Variants in FAF1 observed in about 807,000 individuals in gnomAD.
FAF1 encodes the protein Fas associated factor 1.
FAF1 carries 25 observed loss-of-function variants against 92.5 expected under a neutral mutation model. The observed-to-expected ratio is 0.27, with a 90% CI of 0.20 to 0.38. FAF1 has a LOEUF of 0.38. Among genes scored for constraint, FAF1 ranks in the 10% least tolerant of loss-of-function variants. The pLI, the probability that FAF1 is intolerant of heterozygous loss-of-function variation, is 1.00. For missense variants in FAF1, 636 were observed against 793.3 expected, an observed-to-expected ratio of 0.80 and a Z score of 2.38; for synonymous variants, 234 against 273.2, an observed-to-expected ratio of 0.86 and a Z score of 1.42.
intron 1 of FAF1, among the ~76,000 whole-genome samples, chr1:50,860,587 A>G (rs1217246453): frequency 6.6e-6 from 1 of 151,772 alleles, no homozygotes; most frequent in Non-Finnish European, 1.5e-5. Context: ...TTATTAAAAT[A>G]TATTTTTTAA....
At chr1:50,612,332 T>G (rs1296233205) in intron 8 of FAF1, 2 of 1,233,720 alleles carry the variant, frequency 1.6e-6, no homozygotes, top group African/African-American at 3.1e-5. Context: ...TTATTTTACC[T>G]CAAGCAGATT....
chr1:50,872,886 C>T (rs564563036), intron 1 of FAF1, among the ~76,000 whole-genome samples: 10 of 149,848 alleles, frequency 6.7e-5, no homozygotes, highest in Admixed American at 4.0e-4. Context: ...GCAACAACAG[C>T]GAAACTCCGT....
At chr1:50,929,550 G>C (rs544024164) in intron 1 of FAF1, among the ~76,000 whole-genome samples, 1 of 152,266 alleles carries the variant, frequency 6.6e-6, no homozygotes, top group African/African-American at 2.4e-5. Context: ...CATTGTAAGA[G>C]CTTACATTAT....
intron 9 of FAF1, among the ~76,000 whole-genome samples, chr1:50,587,729 G>A (rs2124041728): frequency 6.6e-6 from 1 of 152,170 alleles, no homozygotes; most frequent in Admixed American, 6.5e-5. Context: ...GGACCTATGT[G>A]GAAGATACAG....
intron 2 of FAF1, 80 bp downstream of exon 2, chr1:50,857,849 C>T (rs953027880): frequency 2.9e-5 from 24 of 825,034 alleles, no homozygotes; most frequent in Non-Finnish European, 4.1e-5. Context: ...GTATGCTGAA[C>T]CCATCTATAA....
At chr1:50,751,510 A>AC (rs1461085187) in intron 4 of FAF1, among the ~76,000 whole-genome samples, 3 of 151,818 alleles carry the variant, frequency 2.0e-5, no homozygotes, top group Non-Finnish European at 4.4e-5. Flanking sequence ...CGCCTGACAA[A>AC]TTTTTGTATT....
intron 13 of FAF1, among the ~76,000 whole-genome samples, chr1:50,542,006 C>A (rs759342430): frequency 4.3e-4 from 65 of 152,182 alleles, no homozygotes; most frequent in Admixed American, 4.6e-4. Flanking sequence ...CACAGCCATT[C>A]AATAAATTAT....
intron 12 of FAF1, among the ~76,000 whole-genome samples, chr1:50,570,443 G>GA (rs951670304): frequency 3.3e-4 from 50 of 151,940 alleles, no homozygotes; most frequent in African/African-American, 1.1e-3. Context: ...GAAGCTGAGA[G>GA]AAAAAAGACT....
chr1:50,457,401 G>T (rs1388704291), intron 18 of FAF1, among the ~76,000 whole-genome samples: 1 of 152,124 alleles, frequency 6.6e-6, no homozygotes, highest in Admixed American at 6.6e-5. Context: ...ATTACAAGGA[G>T]TGTCTAGAAA....
At chr1:50,631,748 T>C (rs1317378344) in intron 8 of FAF1, among the ~76,000 whole-genome samples, 1 of 152,208 alleles carries the variant, frequency 6.6e-6, no homozygotes, top group Non-Finnish European at 1.5e-5. Flanking sequence ...ACAATGTCTG[T>C]GGTAAGTGCT....
intron 1 of FAF1, among the ~76,000 whole-genome samples, chr1:50,959,007 A>G (rs1645294026): frequency 6.6e-6 from 1 of 152,230 alleles, no homozygotes; most frequent in Admixed American, 6.5e-5. Context: ...CCTTCCTAAG[A>G]TACTTACATG....
chr1:50,597,747 T>C (rs561222472), intron 8 of FAF1, among the ~76,000 whole-genome samples: 67 of 152,126 alleles, frequency 4.4e-4, no homozygotes, highest in Non-Finnish European at 4.1e-4. Context: ...CTGTCAATGA[T>C]TGAAATATAA....
chr1:50,698,439 C>G (rs1657323652), intron 7 of FAF1, among the ~76,000 whole-genome samples: 1 of 152,064 alleles, frequency 6.6e-6, no homozygotes, highest in African/African-American at 2.4e-5. Flanking sequence ...AGAATCAGCC[C>G]CATCTAAGTA....
chr1:50,857,808 T>C (rs1644401883), intron 2 of FAF1, 121 bp downstream of exon 2: 1 of 511,968 alleles, frequency 2.0e-6, no homozygotes, highest in East Asian at 3.3e-5. Flanking sequence ...TAGACTTTAT[T>C]AACTCAGCTT....
At chr1:50,689,207 A>T (rs965421282) in intron 7 of FAF1, among the ~76,000 whole-genome samples, 10 of 152,254 alleles carry the variant, frequency 6.6e-5, no homozygotes, top group African/African-American at 2.2e-4. Flanking sequence ...ACAATTAGAA[A>T]AAACACAGAA....
chr1:50,500,326 G>A lies in FAF1; in HGVS notation c.1495-8525C>T, dbSNP rs192050895. On this transcript the variant is annotated intron_variant, in intron 15 of 18. Coordinates refer to ENST00000396153, the MANE Select transcript of FAF1 (RefSeq NM_007051.3). ...CTGTTGTAAAGACAGAAAAAAAATG[G>A]AAAAAAAATAAAGTCCAGATATAGA... Among the ~76,000 whole-genome samples, 80 of 151,784 alleles carry A rather than the reference G, an allele frequency of 5.3e-4. 1 individual carries two copies. The East Asian group carries it at 0.012, about 22-fold the overall frequency.
intron 1 of FAF1, among the ~76,000 whole-genome samples, chr1:50,872,275 G>T (rs867673496): frequency 6.6e-6 from 1 of 152,112 alleles, no homozygotes; most frequent in Admixed American, 6.6e-5. Context: ...CACCCTTATG[G>T]ATAATTTTGA....
At chr1:50,766,528 G>A (rs1660576235) in intron 4 of FAF1, among the ~76,000 whole-genome samples, 1 of 152,006 alleles carries the variant, frequency 6.6e-6, no homozygotes, top group African/African-American at 2.4e-5. Flanking sequence ...CCAAGAGACT[G>A]GGACATTAGG....
At chr1:50,531,541 C>T (rs150155748) in intron 15 of FAF1, among the ~76,000 whole-genome samples, 65 of 152,208 alleles carry the variant, frequency 4.3e-4, no homozygotes, top group Middle Eastern at 6.8e-3. Context: ...ACTTGTTTTC[C>T]TCCTCACCCA....
Sources: gnomAD v4.1 joint callset for allele counts (sites outside exome capture counted in the v4.1 genomes callset) on GRCh38, gnomAD v4.1.1 for gene constraint, MANE v1.5 for transcripts, NCBI Gene and HGNC (gene_info 2026-07-23, HGNC 2026-07-21) for gene names.